Variants in NDUFS6 observed in about 807,000 individuals in gnomAD.
The protein encoded by NDUFS6 is NADH:ubiquinone oxidoreductase subunit S6.
A neutral mutation model predicts 13.2 loss-of-function variants in NDUFS6; 14 were observed. The ratio of observed to expected loss-of-function variants is 1.06; its 90% CI spans 0.70 to 1.66. The LOEUF is 1.66. Among genes scored for constraint, NDUFS6 ranks in the 40% most tolerant of loss-of-function variants. The pLI is 0.00. For missense variants in NDUFS6, 206 were observed against 170.8 expected, an observed-to-expected ratio of 1.21 and a Z score of -1.15; for synonymous variants, 95 against 72.3, an observed-to-expected ratio of 1.31 and a Z score of -1.60.
rs778400024 is a variant in NDUFS6, at chr5:1,814,580, C to T, written c.309+119C>T. ...CTACCTGCTCCCGAGGCGGCCCTTA[C>T]GGGGTTCACACTGCTGGCACATTCA... On this transcript the variant is annotated intron_variant, in intron 3 of 3. Coordinates refer to ENST00000274137, the MANE Select transcript of NDUFS6 (RefSeq NM_004553.6). The surrounding 1 kb of genome is among the most constrained non-coding windows in gnomAD (Gnocchi z 4.9). 10 of 1,476,782 alleles carry T rather than the reference C, an allele frequency of 6.8e-6. No individual in the cohort carries two copies. The highest frequency in any genetic ancestry group is 2.4e-5 in the South Asian group (2 of 84,514). 91.5% of individuals were successfully genotyped at this position (1,476,782 alleles called of 1,614,324 possible). A position where few individuals can be genotyped will look rare whatever the true frequency, so the allele number is the denominator to read the frequency against.
intron 2 of NDUFS6, among the ~76,000 whole-genome samples, chr5:1,806,167 C>T (rs926807929): frequency 2.0e-5 from 3 of 152,230 alleles, no homozygotes; most frequent in Admixed American, 1.3e-4. Flanking sequence ...GCAGCAAACC[C>T]GGAACATCAG....
chr5:1,802,188 T>G (rs922824054), intron 1 of NDUFS6, 133 bp from the exon 2 acceptor site: 4 of 801,080 alleles, frequency 5.0e-6, no homozygotes, highest in Non-Finnish European at 8.4e-6. Flanking sequence ...CCGAGTACTG[T>G]GCACTTGTTT....
intron 2 of NDUFS6, among the ~76,000 whole-genome samples, chr5:1,809,703 T>A (rs1302943001): frequency 6.6e-6 from 1 of 152,212 alleles, no homozygotes; most frequent in Non-Finnish European, 1.5e-5. Context: ...TTGTGACACG[T>A]TGTCACTTAG....
chr5:1,810,731 G>T (rs1734205735), intron 2 of NDUFS6, among the ~76,000 whole-genome samples: 1 of 151,550 alleles, frequency 6.6e-6, no homozygotes, highest in African/African-American at 2.4e-5. Flanking sequence ...TCTAATGGTT[G>T]TCGGAGTGGC....
intron 1 of NDUFS6, 26 bp from the exon 2 acceptor site, chr5:1,802,295 C>G: frequency 6.2e-7 from 1 of 1,605,728 alleles, no homozygotes; most frequent in Non-Finnish European, 8.5e-7. Context: ...GTAAAAGTCA[C>G]ACATGGTCTT....
chr5:1,802,471 T>A (rs977271957), intron 2 of NDUFS6, 97 bp downstream of exon 2: 4 of 1,029,622 alleles, frequency 3.9e-6, no homozygotes, highest in Non-Finnish European at 4.3e-6. Context: ...AAATAAATTT[T>A]CCCCATATTG....
At chr5:1,810,870 A>G (rs1363332228) in intron 2 of NDUFS6, among the ~76,000 whole-genome samples, 2 of 152,074 alleles carry the variant, frequency 1.3e-5, no homozygotes, top group Non-Finnish European at 2.9e-5. Context: ...TACTGAGTCT[A>G]AATTTATCTG....
chr5:1,803,081 C>T (rs933614821), intron 2 of NDUFS6, among the ~76,000 whole-genome samples: 4 of 152,130 alleles, frequency 2.6e-5, no homozygotes, highest in African/African-American at 7.2e-5. Flanking sequence ...CTTTGGTTAG[C>T]CTGGTGTTCT....
At chr5:1,813,823 G>A (rs1015313095) in intron 2 of NDUFS6, among the ~76,000 whole-genome samples, 19 of 152,196 alleles carry the variant, frequency 1.2e-4, no homozygotes, top group African/African-American at 4.6e-4. Context: ...GGGGAAAGCC[G>A]GAAGGACATT....
intron 2 of NDUFS6, among the ~76,000 whole-genome samples, chr5:1,805,402 T>C (rs1734107752): frequency 1.3e-5 from 2 of 152,366 alleles, no homozygotes; most frequent in South Asian, 4.1e-4. Flanking sequence ...AGCTAGATAA[T>C]TGAGCTGGTC....
At chr5:1,811,510 A>C (rs1262646239) in intron 2 of NDUFS6, among the ~76,000 whole-genome samples, 1 of 152,248 alleles carries the variant, frequency 6.6e-6, no homozygotes, top group African/African-American at 2.4e-5. Flanking sequence ...CTCCGAGCCC[A>C]GGTAAGTTCC....
At chr5:1,812,213 A>G (rs1224170443) in intron 2 of NDUFS6, among the ~76,000 whole-genome samples, 5 of 151,998 alleles carry the variant, frequency 3.3e-5, no homozygotes, top group Admixed American at 6.6e-5. Flanking sequence ...TCCTTCTTCT[A>G]CCAGGAGCCC....
At position 1,815,997 on chromosome 5, in the gene NDUFS6, T is replaced by A; in HGVS notation, c.*81T>A. ...CTGAGCACGTGAAGCTCGCTGGTTC[T>A]GTGCGAAGGGTATTCCTGGTGCTGA... On this transcript the variant is annotated 3_prime_UTR_variant, in exon 4 of 4. Transcript: ENST00000274137. The A allele has an allele frequency of 6.9e-6, 10 of 1,443,746 alleles. No individual in the cohort carries two copies. The South Asian group carries it at 1.1e-4, about 16-fold the overall frequency. The allele number at this position is 1,443,746 out of a possible 1,614,324, so 89.4% of individuals were successfully genotyped here. A position where few individuals can be genotyped will look rare whatever the true frequency, so the allele number is the denominator to read the frequency against.
intron 2 of NDUFS6, among the ~76,000 whole-genome samples, chr5:1,804,979 C>A (rs2111349879): frequency 1.3e-5 from 2 of 152,330 alleles, no homozygotes; most frequent in South Asian, 4.1e-4. Flanking sequence ...CTCCCTCTGC[C>A]CAACCCCTGG....
intron 2 of NDUFS6, among the ~76,000 whole-genome samples, chr5:1,808,228 G>C (rs996756582): frequency 6.6e-6 from 1 of 152,162 alleles, no homozygotes; most frequent in Non-Finnish European, 1.5e-5. Context: ...CGTCCTTTAG[G>C]GGGTGTTTGA....
At chr5:1,806,217 C>T (rs749021361) in intron 2 of NDUFS6, among the ~76,000 whole-genome samples, 2 of 152,280 alleles carry the variant, frequency 1.3e-5, no homozygotes, top group African/African-American at 2.4e-5. Flanking sequence ...TGCCACCCCT[C>T]TCCACCTGTG....
Position 1,814,827 on chromosome 5 carries a change from G to A in NDUFS6, c.309+366G>A, listed in dbSNP as rs1734282478. 2 of 632,340 alleles carry A rather than the reference G, an allele frequency of 3.2e-6. No homozygotes were observed. Among genetic ancestry groups the A allele is most frequent in the Non-Finnish European group, 2.8e-6 (1 of 351,920 alleles). The allele number at this position is 632,340 out of a possible 1,614,324, so 39.2% of individuals were successfully genotyped here. On this transcript the variant is annotated intron_variant, in intron 3 of 3. Transcript: ENST00000274137. This position sits in a 1 kb window ranked among gnomAD's most constrained non-coding sequence, Gnocchi z 4.9. ...CACATTTCCCACAGCGCTGGAGGCT[G>A]CAGCCCAAGACCACCGTGCCGCTCT... is the stretch of plus-strand genomic sequence containing the variant.
chr5:1,809,592 G>A (rs1029873353), intron 2 of NDUFS6, among the ~76,000 whole-genome samples: 8 of 152,222 alleles, frequency 5.3e-5, no homozygotes, highest in Admixed American at 1.3e-4. Context: ...GGCATCCCGC[G>A]TCAGTCGCCA....
intron 2 of NDUFS6, among the ~76,000 whole-genome samples, chr5:1,804,829 T>C (rs1457855552): frequency 6.6e-6 from 1 of 152,222 alleles, no homozygotes; most frequent in African/African-American, 2.4e-5. Context: ...CATACATTAT[T>C]ACTAACTCAA....
Sources: gnomAD v4.1 joint callset for allele counts (sites outside exome capture counted in the v4.1 genomes callset) on GRCh38, gnomAD v4.1.1 for gene constraint, Gnocchi (gnomAD v3.1) non-coding constraint, MANE v1.5 for transcripts, NCBI Gene and HGNC (gene_info 2026-07-23, HGNC 2026-07-21) for gene names.